GRK1: variants seen among roughly 807,000 people sequenced by gnomAD.
GRK1 encodes the protein G protein-coupled receptor kinase 1.
A neutral mutation model predicts 41.7 loss-of-function variants in GRK1; 28 were observed. That is an observed-to-expected ratio of 0.67 (90% CI 0.50 to 0.92). The LOEUF is 0.92. Ranked by LOEUF, GRK1 falls within the 40% of genes least tolerant of loss-of-function variation. GRK1 has a pLI of 0.00. For synonymous variants in GRK1, 327 were observed against 286.7 expected (o/e 1.14, Z -1.42); for missense variants, 703 against 671.2 (o/e 1.05, Z -0.52).
At chr13:113,659,312 G>A in the GRK1 span, among the ~76,000 whole-genome samples, 1 of 152,320 alleles carries the variant, frequency 6.6e-6, no homozygotes, top group East Asian at 1.9e-4. Flanking sequence ...AATGAAATGT[G>A]CTCAGGGGCC....
chr13:113,654,399 C>G, the GRK1 span, among the ~76,000 whole-genome samples: 16 of 152,320 alleles, frequency 1.1e-4, 1 homozygote, highest in African/African-American at 3.9e-4. Context: ...TTCTGCTGGT[C>G]TCCCGGGTGT....
Position 113,669,770 on chromosome 13 carries a change from C to G in GRK1, c.783C>G (p.Ala261=), listed in dbSNP as rs370686602. 2 of 1,613,850 alleles carry G rather than the reference C, an allele frequency of 1.2e-6. No individual in the cohort carries two copies. The highest frequency in any genetic ancestry group is 1.7e-6 in the Non-Finnish European group (2 of 1,179,882). The change falls in exon 2 of 7, where the codon GCC becomes GCG. Residue 261 remains alanine (A), a synonymous_variant. Transcript: ENST00000335678. ...TGGCCTATGCGTTTGAAACCAAAGC[C>G]GACCTCTGTCTGGTGATGACCATCA... ...VSLAYAFETK[A]DLCLVMTIMN... is the part of the protein sequence containing the mutation.
rs1485767680 is a variant in GRK1, at chr13:113,667,488, G to A, written c.102G>A (p.Lys34=). Residue 34 remains lysine, a synonymous_variant, in exon 1 of 7, where the codon AAG becomes AAA. Coordinates refer to ENST00000335678, the MANE Select transcript of GRK1 (RefSeq NM_002929.3). This position sits in a 1 kb window ranked among gnomAD's most constrained non-coding sequence, Gnocchi z 7.5. ...GCTCCCAACCCTCCCGGGACAAGAAGTACCTGGCCAAGCTCAAGCTGCCCC... is the reference window on the plus strand; with the variant it reads ...GCTCCCAACCCTCCCGGGACAAGAAATACCTGGCCAAGCTCAAGCTGCCCC... ...GSSSQPSRDK[K]YLAKLKLPPL... The A allele has an allele frequency of 3.1e-6, 5 of 1,612,242 alleles. No individual in the cohort carries two copies. Among genetic ancestry groups the A allele is most frequent in the Middle Eastern group, 1.6e-4 (1 of 6,062 alleles).
upstream of GRK1, among the ~76,000 whole-genome samples, chr13:113,663,912 T>G (rs2049802827): frequency 6.6e-6 from 1 of 152,200 alleles, no homozygotes; most frequent in South Asian, 2.1e-4. Context: ...AACGTGCAAT[T>G]ACGACACTTT....
At chr13:113,664,224 G>A (rs75651416), upstream of GRK1, among the ~76,000 whole-genome samples, 740 of 152,272 alleles carry the variant, frequency 4.9e-3, 13 homozygotes, top group African/African-American at 0.017. The surrounding 1 kb of genome is among the most constrained non-coding windows in gnomAD (Gnocchi z 5.4). Context: ...GGGCGGGCTG[G>A]GGGAACTTCG....
In GRK1 at chr13:113,731,369, T is replaced by C; in HGVS notation, c.1194+26T>C. 4 of 1,536,210 alleles carry C rather than the reference T, an allele frequency of 2.6e-6. No homozygotes were observed. Among genetic ancestry groups the C allele is most frequent in the Non-Finnish European group, 2.6e-6 (3 of 1,146,526 alleles). On this transcript the variant is annotated intron_variant, in intron 5 of 6. Coordinates refer to ENST00000335678, the MANE Select transcript of GRK1 (RefSeq NM_002929.3). This position sits in a 1 kb window ranked among gnomAD's most constrained non-coding sequence, Gnocchi z 5.6. ...GTAGGAGGCGGCCGGCAGGTGTCTC[T>C]GCAGCCACCTTGGCGCCCTGGCTCT... is the stretch of plus-strand genomic sequence containing the variant.
chr13:113,735,186 C>A lies in GRK1; in HGVS notation c.1515C>A (p.Phe505Leu). 1 of 1,537,232 alleles carries A rather than the reference C, an allele frequency of 6.5e-7. No homozygotes were observed. The highest frequency in any genetic ancestry group is 8.7e-7 in the Non-Finnish European group (1 of 1,146,908). The change falls in exon 7 of 7, where the codon TTC becomes TTA. Residue 505 changes from phenylalanine to leucine, a missense_variant. Phe to Leu is a conservative substitution (Grantham distance 22). Transcript: ENST00000335678. ...GVAFDKTDTE[F>L]FQEFATGNCP... ...CCTTTGACAAAACAGACACAGAATT[C>A]TTTCAGGAATTTGCCACTGGCAACT...
intron 6 of GRK1, among the ~76,000 whole-genome samples, chr13:113,734,034 G>GTA (rs200898958): frequency 7.2e-6 from 1 of 138,704 alleles, no homozygotes; most frequent in African/African-American, 2.9e-5. Context: ...GTGCGTGTGC[G>GTA]TATGTGTGTG....
intron 4 of GRK1, among the ~76,000 whole-genome samples, chr13:113,727,940 CGAT>C (rs2049902046): frequency 8.1e-5 from 6 of 74,254 alleles, no homozygotes; most frequent in African/African-American, 1.6e-4. Context: ...GTACCCATGG[CGAT>C]GAGGAGTACC....
At chr13:113,668,263 T>C (rs904474964) in intron 1 of GRK1, among the ~76,000 whole-genome samples, 178 bp downstream of exon 1, 2 of 152,214 alleles carry the variant, frequency 1.3e-5, no homozygotes, top group East Asian at 3.9e-4. Context: ...TTACGAGCAG[T>C]TCCAGTCCAT....
At chr13:113,653,092 C>T in the GRK1 span, 9 of 1,598,550 alleles carry the variant, frequency 5.6e-6, no homozygotes, top group South Asian at 8.9e-5. Flanking sequence ...GACGCACCTG[C>T]CAGCCCTGTC....
At chr13:113,653,273 C>T in the GRK1 span, 19 of 1,571,414 alleles carry the variant, frequency 1.2e-5, no homozygotes, top group African/African-American at 2.4e-4. Context: ...CCGCTTCACA[C>T]CTCACCCACC....
At chr13:113,733,969 CGTGT>C (rs1315183203) in intron 6 of GRK1, among the ~76,000 whole-genome samples, 2 of 87,908 alleles carry the variant, frequency 2.3e-5, no homozygotes, top group Admixed American at 1.4e-4. Context: ...CGTGTGTGTG[CGTGT>C]GTGCGCATGT....
At chr13:113,659,263 GT>G in the GRK1 span, among the ~76,000 whole-genome samples, 1 of 152,234 alleles carries the variant, frequency 6.6e-6, no homozygotes, top group Non-Finnish European at 1.5e-5. Flanking sequence ...GCTGGCTGCA[GT>G]GCCCATCTCT....
rs369784022 is a variant in GRK1 at position 113,668,094 on chromosome 13, C to T, written c.699+9C>T. 7.5e-5 allele frequency: 120 copies of T among 1,593,426 alleles called. 1 individual carries two copies. The Admixed American group carries it at 1.8e-3, about 24-fold the overall frequency. On this transcript the variant is annotated intron_variant, in intron 1 of 6. Transcript: ENST00000335678. The stretch of plus-strand genomic sequence containing the variant: ...AGAGGAAGGGCTACCAGGTGAGCAG[C>T]GCGACCCGGCCAGCAGGGATGGGGT...
chr13:113,668,161 C>A (rs1041697223), intron 1 of GRK1, 76 bp downstream of exon 1: 12 of 1,450,788 alleles, frequency 8.3e-6, no homozygotes, highest in African/African-American at 4.2e-5. Context: ...AGAGGGCCCC[C>A]AGGTCACTGT....
the GRK1 span, chr13:113,653,081 G>A: frequency 7.5e-6 from 12 of 1,603,312 alleles, no homozygotes; most frequent in East Asian, 2.2e-5. Context: ...GCCTGCAGAC[G>A]GACGCACCTG....
chr13:113,653,407 C>A, the GRK1 span: 1 of 1,614,254 alleles, frequency 6.2e-7, no homozygotes, highest in Non-Finnish European at 8.5e-7. Flanking sequence ...GCCTTTCTCC[C>A]CGTAAACATC....
Position 113,667,673 on chromosome 13 carries a change from A to G in GRK1, c.287A>G (p.Asp96Gly). The G allele has an allele frequency of 1.2e-6, 2 of 1,613,640 alleles. No individual in the cohort carries two copies. Among genetic ancestry groups the G allele is most frequent in the Non-Finnish European group, 1.7e-6 (2 of 1,179,910 alleles). Residue 96 changes from aspartate to glycine, a missense_variant, in exon 1 of 7, where the codon GAC becomes GGC. Transcript: ENST00000335678. The surrounding 1 kb of genome is among the most constrained non-coding windows in gnomAD (Gnocchi z 7.5). ...CTCTGGAAAGACATCGAGGACTATG[A>G]CACGGCAGACAATGACCTCCAGCCA... is the stretch of plus-strand genomic sequence containing the variant. Reference protein sequence around the residue: ...LELWKDIEDYDTADNDLQPQK... With the variant: ...LELWKDIEDYGTADNDLQPQK...
Sources: gnomAD v4.1 joint callset for allele counts (sites outside exome capture counted in the v4.1 genomes callset) on GRCh38, gnomAD v4.1.1 for gene constraint, Gnocchi (gnomAD v3.1) non-coding constraint, MANE v1.5 for transcripts, NCBI Gene and HGNC (gene_info 2026-07-23, HGNC 2026-07-21) for gene names.